The following KIF15 variants were observed in gnomAD, a reference collection of about 807,000 sequenced individuals.
The protein encoded by KIF15 is kinesin family member 15, also known as kinesin-like protein KIF15.
In KIF15, 140 loss-of-function variants were observed where a neutral mutation model predicts 190.6. The ratio of observed to expected loss-of-function variants is 0.73; its 90% CI spans 0.64 to 0.84. The LOEUF (loss-of-function observed/expected upper bound fraction) is 0.84, where lower values mean the gene tolerates loss of function less well. Among genes scored for constraint, KIF15 ranks in the 40% least tolerant of loss-of-function variants. The pLI is 0.00. For synonymous variants in KIF15, 528 were observed against 551.3 expected (o/e 0.96, Z 0.59); for missense variants, 1,372 against 1,584.4 (o/e 0.87, Z 2.28).
chr3:44,842,475 A>G (rs1417312029), intron 29 of KIF15, among the ~76,000 whole-genome samples: 1 of 152,212 alleles, frequency 6.6e-6, no homozygotes, highest in Non-Finnish European at 1.5e-5. Flanking sequence ...CACTTTAACC[A>G]AGGGATGTAT....
At position 44,797,780 on chromosome 3, in the gene KIF15, A is replaced by T. The variant is rs893443994; in HGVS notation, c.976-54A>T. On this transcript the variant is annotated intron_variant, in intron 9 of 34. Transcript: ENST00000326047. The stretch of plus-strand genomic sequence containing the variant: ...GCAAGAGTATACATTTTCTTTGCTT[A>T]AAAAGGTCTTGTGATTTCTCACCGA... 4 of 1,604,620 alleles carry T rather than the reference A, an allele frequency of 2.5e-6. No individual in the cohort carries two copies. In the East Asian group the frequency reaches 8.9e-5, roughly 36 times the overall value.
In KIF15 at chr3:44,784,932, A is replaced by T. The variant is rs767511090; in HGVS notation, c.449A>T (p.Glu150Val). ...TATTTGTTTTCCTTAATTGATCGTG[A>T]AAAAGAAAAGGTAAAACAATGTAAA... ...FEYLFSLIDR[E>V]KEKAGAGKSF... is the part of the protein sequence containing the mutation. The change falls in exon 6 of 35, where the codon GAA becomes GTA. Residue 150 changes from glutamate (E) to valine (V), a missense_variant. By Grantham distance (121) the Glu-to-Val change is moderately radical. Transcript: ENST00000326047. 3.9e-6 allele frequency: 6 copies of T among 1,538,278 alleles called. No homozygotes were observed. Among genetic ancestry groups the T allele is most frequent in the Non-Finnish European group, 5.3e-6 (6 of 1,121,940 alleles).
chr3:44,821,767 G>T (rs1198500862), intron 20 of KIF15, among the ~76,000 whole-genome samples: 2 of 152,336 alleles, frequency 1.3e-5, no homozygotes, highest in East Asian at 3.9e-4. Flanking sequence ...GGAGGCCAAG[G>T]CAGGCGGCTG....
chr3:44,799,917 G>A lies in KIF15; in HGVS notation c.1099-397G>A, dbSNP rs117600790. On this transcript the variant is annotated intron_variant, in intron 10 of 34. Transcript: ENST00000326047. ...CACTTAGAGGCTAGGCTCCTTCCCCGTAGGGAGCTAGGAAAGAAGGGAAAT... is the reference window on the plus strand; with the variant it reads ...CACTTAGAGGCTAGGCTCCTTCCCCATAGGGAGCTAGGAAAGAAGGGAAAT... Among the ~76,000 whole-genome samples the A allele has an allele frequency of 8.1e-3, 1,235 of 152,208 alleles. 42 individuals are homozygous for A. The highest frequency in any genetic ancestry group is 0.067 in the Admixed American group (1,028 of 15,282).
intron 16 of KIF15, among the ~76,000 whole-genome samples, chr3:44,808,733 A>G (rs1404990367): frequency 6.6e-6 from 1 of 152,152 alleles, no homozygotes; most frequent in African/African-American, 2.4e-5. Context: ...GGCTCAAGGA[A>G]TATGAGCCTC....
chr3:44,847,893 C>A, intron 30 of KIF15, 92 bp from the exon 31 acceptor site: 2 of 876,556 alleles, frequency 2.3e-6, no homozygotes, highest in Non-Finnish European at 3.7e-6. Flanking sequence ...CTTGGCATTG[C>A]TGCATATAAT....
chr3:44,792,201 C>T (rs903641990), intron 7 of KIF15, among the ~76,000 whole-genome samples: 5 of 151,898 alleles, frequency 3.3e-5, no homozygotes, highest in Non-Finnish European at 4.4e-5. Flanking sequence ...AATAGCTGGG[C>T]GCAGTGGCTT....
At chr3:44,837,414 A>G (rs1698374331) in intron 26 of KIF15, among the ~76,000 whole-genome samples, 1 of 152,232 alleles carries the variant, frequency 6.6e-6, no homozygotes. Flanking sequence ...ATTCAAATCA[A>G]CCAAAATATT....
intron 20 of KIF15, among the ~76,000 whole-genome samples, chr3:44,822,973 G>A (rs1697429357): frequency 6.6e-6 from 1 of 152,110 alleles, no homozygotes; most frequent in African/African-American, 2.4e-5. Context: ...GCTTGTCGAA[G>A]TTTGTTATTA....
At chr3:44,816,888 C>T (rs892376037) in intron 20 of KIF15, among the ~76,000 whole-genome samples, 1 of 152,304 alleles carries the variant, frequency 6.6e-6, no homozygotes, top group Non-Finnish European at 1.5e-5. Context: ...TCTCCACATC[C>T]TCTCCAGCAT....
intron 6 of KIF15, chr3:44,864,330 A>G: frequency 3.7e-6 from 6 of 1,614,122 alleles, no homozygotes; most frequent in Non-Finnish European, 5.1e-6. Context: ...ACTTTTTCAA[A>G]TATCCTCAGC....
rs572406117 is a variant in KIF15, at chr3:44,805,940, G to A, written c.1925G>A (p.Arg642Gln). 1.9e-5 allele frequency: 31 copies of A among 1,614,106 alleles called. No homozygotes were observed. In the East Asian group the frequency reaches 2.0e-4, roughly 10 times the overall value. ...NLLEATKACK[R>Q]QEVSQLNKIH... is the part of the protein sequence containing the mutation. Reference sequence around the variant, plus strand: ...TTGGAAGCAACAAAAGCCTGCAAGCGGCAAGAAGTTTCTCAGCTGAATAAA... The same window carrying A: ...TTGGAAGCAACAAAAGCCTGCAAGCAGCAAGAAGTTTCTCAGCTGAATAAA... Residue 642 changes from arginine to glutamine, a missense_variant, in exon 16 of 35, where the codon CGG (arginine) becomes CAG (glutamine). By Grantham distance (43) the Arg-to-Gln change is conservative (BLOSUM62 1). Coordinates refer to ENST00000326047, the MANE Select transcript of KIF15 (RefSeq NM_020242.3).
At chr3:44,827,027 A>G in intron 22 of KIF15, 1 of 456,570 alleles carries the variant, frequency 2.2e-6, no homozygotes, top group Non-Finnish European at 4.4e-6. Context: ...CGTAGAGCTT[A>G]CATCCAGTTG....
chr3:44,822,784 A>G (rs115100127), intron 20 of KIF15, among the ~76,000 whole-genome samples: 2,822 of 151,982 alleles, frequency 0.019, 76 homozygotes, highest in African/African-American at 0.063. Flanking sequence ...CCTTTCTTCC[A>G]CTTGATCGAA....
At position 44,810,859 on chromosome 3, in the gene KIF15, C is replaced by A. The variant is rs780590741; in HGVS notation, c.1985C>A (p.Pro662Gln). 1.2e-6 allele frequency: 2 copies of A among 1,610,734 alleles called. No individual in the cohort carries two copies. Among genetic ancestry groups the A allele is most frequent in the East Asian group, 4.5e-5 (2 of 44,844 alleles). ...HAETLKIITT[P>Q]TKAYQLHSRP... The stretch of plus-strand genomic sequence containing the variant: ...TTTTTGCTGCAGATTATAACTACAC[C>A]AACCAAGGCCTACCAACTTCATTCC... Residue 662 changes from proline to glutamine, a missense_variant, in exon 17 of 35, where the codon CCA becomes CAA. Physicochemically the swap from Pro to Gln is moderately conservative, Grantham distance 76. Coordinates refer to ENST00000326047, the MANE Select transcript of KIF15 (RefSeq NM_020242.3).
At chr3:44,850,822 C>A (rs1699035132) in intron 32 of KIF15, among the ~76,000 whole-genome samples, 1 of 152,142 alleles carries the variant, frequency 6.6e-6, no homozygotes, top group Non-Finnish European at 1.5e-5. Context: ...TAGCAATCAA[C>A]CGCTAGAAAT....
At chr3:44,835,128 C>T (rs1303547837) in intron 26 of KIF15, among the ~76,000 whole-genome samples, 1 of 151,884 alleles carries the variant, frequency 6.6e-6, no homozygotes, top group East Asian at 1.9e-4. Context: ...TAAAACTTTA[C>T]AAGCAACATG....
intron 1 of KIF15, among the ~76,000 whole-genome samples, chr3:44,768,486 T>A (rs1025787562): frequency 1.3e-5 from 2 of 152,114 alleles, no homozygotes; most frequent in Non-Finnish European, 2.9e-5. Flanking sequence ...TCCCCCTGCA[T>A]AAGGTGCAAA....
In KIF15 at chr3:44,841,399, T is replaced by G. The variant is rs183467528; in HGVS notation, c.3585+161T>G. ...CCCAGCCAGTAAATTTAATTTTTTT[T>G]TTTTTGTTTTTTTTTTGAGACGGAG... On this transcript the variant is annotated intron_variant, in intron 29 of 34. Transcript: ENST00000326047. 4.8e-3 allele frequency among the ~76,000 whole-genome samples: 722 copies of G among 151,306 alleles called. 6 individuals carry two copies. The highest frequency in any genetic ancestry group is 0.017 in the Middle Eastern group (5 of 294).
Sources: gnomAD v4.1 joint callset for allele counts (sites outside exome capture counted in the v4.1 genomes callset) on GRCh38, gnomAD v4.1.1 for gene constraint, MANE v1.5 for transcripts, NCBI Gene and HGNC (gene_info 2026-07-23, HGNC 2026-07-21) for gene names.